The following EPHB1 variants were observed in gnomAD, a reference collection of about 807,000 sequenced individuals.
EPHB1 encodes ephrin type-B receptor 1.
EPHB1 carries 30 observed loss-of-function variants against 94.4 expected under a neutral mutation model. That is an observed-to-expected ratio of 0.32 (90% CI 0.24 to 0.43). The LOEUF is 0.43. Among genes scored for constraint, EPHB1 ranks in the 20% least tolerant of loss-of-function variants. The pLI, the probability that EPHB1 is intolerant of heterozygous loss-of-function variation, is 1.00. For missense variants in EPHB1, 1,055 were observed against 1,308.3 expected (o/e 0.81, Z 2.99); for synonymous variants, 522 against 489.1 (o/e 1.07, Z -0.89).
intron 3 of EPHB1, among the ~76,000 whole-genome samples, chr3:135,043,990 A>G (rs185591129): frequency 1.3e-5 from 2 of 152,326 alleles, no homozygotes; most frequent in East Asian, 1.9e-4. Context: ...TAATGAGAGA[A>G]CAAATAGGAC....
intron 4 of EPHB1, among the ~76,000 whole-genome samples, chr3:135,129,972 T>C (rs772499130): frequency 2.0e-4 from 31 of 152,020 alleles, no homozygotes; most frequent in Non-Finnish European, 4.1e-4. Flanking sequence ...AAAAGCAAGA[T>C]CCCACGGGGG....
chr3:134,833,247 C>T (rs954214862), intron 1 of EPHB1, among the ~76,000 whole-genome samples: 3 of 152,144 alleles, frequency 2.0e-5, no homozygotes, highest in East Asian at 3.8e-4. Flanking sequence ...TTTGGTCTGC[C>T]GGGGGTGCAA....
At chr3:134,837,853 C>A (rs1256296640) in intron 1 of EPHB1, among the ~76,000 whole-genome samples, 9 of 152,120 alleles carry the variant, frequency 5.9e-5, no homozygotes, top group Non-Finnish European at 1.3e-4. Context: ...TGGCCTCATT[C>A]ATGCAATTTC....
intron 10 of EPHB1, among the ~76,000 whole-genome samples, chr3:135,184,495 G>T (rs781476428): frequency 1.3e-5 from 2 of 152,132 alleles, no homozygotes; most frequent in Non-Finnish European, 2.9e-5. Context: ...AGTTCTATGG[G>T]AGCAAGGGAA....
chr3:135,021,201 A>G (rs1935976590), intron 3 of EPHB1, among the ~76,000 whole-genome samples: 1 of 152,278 alleles, frequency 6.6e-6, no homozygotes. Context: ...TGTCACATCT[A>G]TCTGTCTTCT....
At chr3:134,896,540 T>C (rs888728415) in intron 1 of EPHB1, among the ~76,000 whole-genome samples, 1 of 152,270 alleles carries the variant, frequency 6.6e-6, no homozygotes, top group Admixed American at 6.5e-5. Context: ...GATGTGTTGT[T>C]GCTGACCTTT....
chr3:135,248,778 T>G (rs1322165956), intron 14 of EPHB1, among the ~76,000 whole-genome samples: 1 of 152,068 alleles, frequency 6.6e-6, no homozygotes, highest in Non-Finnish European at 1.5e-5. Flanking sequence ...TCTTTATGAC[T>G]TGGTGAAGGA....
intron 3 of EPHB1, among the ~76,000 whole-genome samples, chr3:134,966,516 A>G (rs1440853722): frequency 6.6e-6 from 1 of 152,210 alleles, no homozygotes; most frequent in Non-Finnish European, 1.5e-5. Context: ...AGCCCAGTAA[A>G]CAATAGTCTC....
intron 12 of EPHB1, among the ~76,000 whole-genome samples, chr3:135,212,734 G>A (rs1363674749): frequency 6.6e-6 from 1 of 152,188 alleles, no homozygotes; most frequent in Non-Finnish European, 1.5e-5. Flanking sequence ...TTGAGCCACT[G>A]AGCAGACTAT....
intron 3 of EPHB1, among the ~76,000 whole-genome samples, chr3:135,061,578 A>T (rs987490523): frequency 1.3e-5 from 2 of 151,710 alleles, no homozygotes; most frequent in African/African-American, 4.8e-5. Context: ...GTATTCCATC[A>T]TATATATTTA....
intron 1 of EPHB1, among the ~76,000 whole-genome samples, chr3:134,888,277 C>T (rs2037898308): frequency 6.6e-6 from 1 of 152,320 alleles, no homozygotes; most frequent in Admixed American, 6.5e-5. Flanking sequence ...GATCTCAGTT[C>T]TACACTTACC....
intron 7 of EPHB1, 140 bp downstream of exon 7, chr3:135,162,320 C>T (rs1941532035): frequency 1.0e-6 from 1 of 988,240 alleles, no homozygotes; most frequent in Non-Finnish European, 1.4e-6. Flanking sequence ...GTTTGCCTCC[C>T]AGTAGGGCCA....
In EPHB1 at chr3:134,973,422, AGTCT is replaced by A. The variant is rs1310935796; in HGVS notation, c.805+21371_805+21374del. On this transcript the variant is annotated intron_variant, in intron 3 of 15. Transcript: ENST00000398015. The stretch of plus-strand genomic sequence containing the variant: ...CAGAAGCACTCCTTGTCTGTCTTCT[AGTCT>A]TTTTTTTTTTTTTTTTTTTTTTGAG... Among the ~76,000 whole-genome samples, 102 of 111,330 alleles carry A rather than the reference AGTCT, an allele frequency of 9.2e-4. 1 individual carries two copies. Among genetic ancestry groups the A allele is most frequent in the African/African-American group, 4.1e-3 (100 of 24,566 alleles). 73.0% of individuals were successfully genotyped at this position (111,330 alleles called of 152,430 possible). A position where few individuals can be genotyped will look rare whatever the true frequency, so the allele number is the denominator to read the frequency against.
In EPHB1 at chr3:135,065,462, T is replaced by C. The variant is rs184676998; in HGVS notation, c.806-40986T>C. On this transcript the variant is annotated intron_variant, in intron 3 of 15. Coordinates refer to ENST00000398015, the MANE Select transcript of EPHB1 (RefSeq NM_004441.5). Reference sequence around the variant, plus strand: ...GCCTTTTACCATTATATAATATCCGTCTTTGTCTTTTTAAAGTTTGTTTTG... The same window carrying C: ...GCCTTTTACCATTATATAATATCCGCCTTTGTCTTTTTAAAGTTTGTTTTG... Among the ~76,000 whole-genome samples, 32 of 152,248 alleles carry C rather than the reference T, an allele frequency of 2.1e-4. 1 individual carries two copies. The highest frequency in any genetic ancestry group is 2.1e-3 in the Admixed American group (32 of 15,278).
intron 10 of EPHB1, among the ~76,000 whole-genome samples, chr3:135,183,026 T>TTTTCTTTCTTTC (rs373601553): frequency 6.7e-4 from 63 of 94,664 alleles, no homozygotes; most frequent in African/African-American, 1.5e-3. Context: ...TTTTCTTTTC[T>TTTTCTTTCTTTC]TTTCTTTCTT....
rs775510705 is a variant in EPHB1, at chr3:135,132,788, A to G, written c.1036A>G (p.Arg346Gly). The change falls in exon 5 of 16, where the codon AGG becomes GGG. Residue 346 changes from arginine to glycine, a missense_variant. Arg to Gly is a moderately radical substitution (Grantham distance 125, BLOSUM62 -2). Coordinates refer to ENST00000398015, the MANE Select transcript of EPHB1 (RefSeq NM_004441.5). ...TSIILEWHPP[R>G]ETGGRDDVTY... is the part of the protein sequence containing the mutation. ...CATCATTCTGGAGTGGCACCCTCCA[A>G]GGGAGACAGGTGGGCGGGATGATGT... is the stretch of plus-strand genomic sequence containing the variant. 2 of 1,613,840 alleles carry G rather than the reference A, an allele frequency of 1.2e-6. No homozygotes were observed. Among genetic ancestry groups the G allele is most frequent in the African/African-American group, 1.3e-5 (1 of 74,938 alleles).
At chr3:135,177,774 GATGCTGACCTGGGTTCTCTAT>G (rs1009836473) in intron 9 of EPHB1, among the ~76,000 whole-genome samples, 10 of 152,294 alleles carry the variant, frequency 6.6e-5, no homozygotes, top group South Asian at 2.1e-4. Context: ...GTGGCCTGGA[GATGCTGACCTGGGTTCTCTAT>G]ATGCTTCCAA....
At chr3:134,936,019 G>A (rs1282083264) in intron 2 of EPHB1, among the ~76,000 whole-genome samples, 1 of 152,016 alleles carries the variant, frequency 6.6e-6, no homozygotes, top group African/African-American at 2.4e-5. Flanking sequence ...TGGGGGTGCC[G>A]CTGAGACTGA....
At chr3:134,820,076 A>G (rs984697556) in intron 1 of EPHB1, among the ~76,000 whole-genome samples, 3 of 148,582 alleles carry the variant, frequency 2.0e-5, no homozygotes, top group Non-Finnish European at 3.0e-5. Flanking sequence ...CCCTCCTGTC[A>G]TTCAGGGACC....
Sources: allele counts gnomAD v4.1 joint callset (sites outside exome capture counted in the v4.1 genomes callset), GRCh38; gene constraint gnomAD v4.1.1; transcripts MANE v1.5; gene names NCBI Gene and HGNC (gene_info 2026-07-23, HGNC 2026-07-21).